The following RABGAP1L variants were observed in gnomAD, a reference collection of about 807,000 sequenced individuals.
The protein encoded by RABGAP1L is RAB GTPase activating protein 1 like.
RABGAP1L carries 63 observed loss-of-function variants against 137.7 expected under a neutral mutation model. That is an observed-to-expected ratio of 0.46 (90% CI 0.37 to 0.56). The LOEUF is 0.56. RABGAP1L is among the 20% of genes least tolerant of loss of function. The pLI is 0.00. For synonymous variants in RABGAP1L, 431 were observed against 433.7 expected (o/e 0.99, Z 0.08); for missense variants, 1,095 against 1,244.0 (o/e 0.88, Z 1.80).
intron 19 of RABGAP1L, among the ~76,000 whole-genome samples, chr1:174,874,771 C>T (rs373418501): frequency 2.0e-5 from 3 of 151,702 alleles, no homozygotes; most frequent in East Asian, 1.9e-4. Flanking sequence ...TTTCTGAGAC[C>T]GGAGAAAATG....
chr1:174,527,626 A>G (rs1047732637), intron 13 of RABGAP1L, among the ~76,000 whole-genome samples: 2 of 152,164 alleles, frequency 1.3e-5, no homozygotes, highest in South Asian at 2.1e-4. Context: ...TTGGATAACA[A>G]TCTCTGTAAA....
In RABGAP1L at chr1:174,219,263, T is replaced by G. The variant is rs1261223760; in HGVS notation, c.106T>G (p.Ser36Ala). ...GGTTCCTCAGTATGCAGATGATAAT[T>G]CTACAAAACATGAAGAAAAACCTCA... ...VLVPQYADDN[S>A]TKHEEKPQLK... is the part of the protein sequence containing the mutation. Residue 36 changes from serine to alanine, a missense_variant, in exon 2 of 26, where the codon TCT becomes GCT. Physicochemically the swap from Ser to Ala is moderately conservative, Grantham distance 99 (BLOSUM62 1). Transcript: ENST00000681986. The G allele has an allele frequency of 1.3e-6, 2 of 1,583,718 alleles. No individual in the cohort carries two copies. Among genetic ancestry groups the G allele is most frequent in the African/African-American group, 2.7e-5 (2 of 73,746 alleles).
intron 1 of RABGAP1L, among the ~76,000 whole-genome samples, chr1:174,216,512 C>T (rs953431088): frequency 1.3e-5 from 2 of 151,022 alleles, no homozygotes; most frequent in Non-Finnish European, 2.9e-5. Context: ...CAAGTAGTGC[C>T]ATTACCTTGT....
At chr1:174,584,738 A>G (rs1668989675) in intron 13 of RABGAP1L, among the ~76,000 whole-genome samples, 1 of 152,204 alleles carries the variant, frequency 6.6e-6, no homozygotes. Context: ...TGTGAGGCCA[A>G]TAAACTTAAC....
intron 19 of RABGAP1L, among the ~76,000 whole-genome samples, chr1:174,953,748 G>C (rs1207399482): frequency 2.6e-5 from 4 of 152,196 alleles, no homozygotes; most frequent in African/African-American, 9.7e-5. Context: ...GAAAGTATCA[G>C]CAGACACTGT....
chr1:174,300,847 C>CAG (rs1222580760), intron 10 of RABGAP1L, among the ~76,000 whole-genome samples: 3 of 152,148 alleles, frequency 2.0e-5, no homozygotes, highest in African/African-American at 7.2e-5. Flanking sequence ...GCCTGGGTGA[C>CAG]AGAGTGAGAC....
At chr1:174,668,470 T>C (rs536843572) in intron 14 of RABGAP1L, among the ~76,000 whole-genome samples, 6 of 152,212 alleles carry the variant, frequency 3.9e-5, no homozygotes, top group Admixed American at 6.5e-5. Context: ...TAGTATTCCA[T>C]TGTATATATA....
intron 13 of RABGAP1L, among the ~76,000 whole-genome samples, chr1:174,504,684 G>C (rs1170370535): frequency 2.6e-5 from 4 of 152,136 alleles, no homozygotes; most frequent in Non-Finnish European, 5.9e-5. Context: ...GCAGAATAAT[G>C]AAATTAGAGC....
intron 17 of RABGAP1L, among the ~76,000 whole-genome samples, chr1:174,717,569 A>G (rs1171409296): frequency 2.0e-5 from 3 of 152,242 alleles, no homozygotes; most frequent in African/African-American, 2.4e-5. Context: ...AACAGCTTAA[A>G]ATAAGTGACT....
At chr1:174,299,025 G>C (rs1318518934) in intron 10 of RABGAP1L, among the ~76,000 whole-genome samples, 1 of 152,234 alleles carries the variant, frequency 6.6e-6, no homozygotes, top group African/African-American at 2.4e-5. Flanking sequence ...TTTGAAACGT[G>C]ATTTCTCTCT....
At chr1:174,275,470 G>A (rs1571878334) in intron 8 of RABGAP1L, among the ~76,000 whole-genome samples, 1 of 152,010 alleles carries the variant, frequency 6.6e-6, no homozygotes, top group African/African-American at 2.4e-5. Context: ...CTATATTATT[G>A]TTTTAATAGA....
At chr1:174,643,937 G>C (rs1055166146) in intron 14 of RABGAP1L, among the ~76,000 whole-genome samples, 1 of 135,402 alleles carries the variant, frequency 7.4e-6, no homozygotes, top group African/African-American at 3.4e-5. Context: ...GTGTGTGTGT[G>C]TGTGTATGTA....
intron 21 of RABGAP1L, among the ~76,000 whole-genome samples, chr1:174,974,004 T>G (rs1387580645): frequency 8.3e-6 from 1 of 120,980 alleles, no homozygotes; most frequent in Non-Finnish European, 1.8e-5. Flanking sequence ...TTTTTTTTTT[T>G]TTGAGACGGA....
intron 12 of RABGAP1L, among the ~76,000 whole-genome samples, chr1:174,376,304 T>C (rs893972423): frequency 5.3e-5 from 8 of 152,106 alleles, no homozygotes; most frequent in African/African-American, 1.9e-4. Flanking sequence ...CTTTCCAGAA[T>C]ATATAAGTGA....
chr1:174,526,077 C>CT (rs1663847895), intron 13 of RABGAP1L, among the ~76,000 whole-genome samples: 2 of 152,030 alleles, frequency 1.3e-5, no homozygotes, highest in Non-Finnish European at 2.9e-5. Flanking sequence ...TGTATGTCTT[C>CT]TTTTGAGAAT....
chr1:174,789,325 T>C (rs1031570052), intron 18 of RABGAP1L, among the ~76,000 whole-genome samples: 4 of 152,136 alleles, frequency 2.6e-5, no homozygotes, highest in African/African-American at 7.2e-5. Flanking sequence ...TAGACCAATT[T>C]AGTTGGACCG....
At chr1:174,348,810 G>A (rs998761622) in intron 11 of RABGAP1L, among the ~76,000 whole-genome samples, 1 of 151,520 alleles carries the variant, frequency 6.6e-6, no homozygotes, top group Admixed American at 6.6e-5. Flanking sequence ...CAAGACAGAG[G>A]AATTTTTCTT....
intron 18 of RABGAP1L, among the ~76,000 whole-genome samples, chr1:174,788,977 G>C (rs1418175878): frequency 6.6e-6 from 1 of 152,144 alleles, no homozygotes; most frequent in Non-Finnish European, 1.5e-5. Flanking sequence ...GCCACCCAAA[G>C]TGCTGGGGGT....
At chr1:174,663,922 T>A (rs1342726686) in intron 14 of RABGAP1L, among the ~76,000 whole-genome samples, 1 of 152,162 alleles carries the variant, frequency 6.6e-6, no homozygotes, top group Non-Finnish European at 1.5e-5. Flanking sequence ...GTTCCCTAGG[T>A]GCAGTGCTGA....
Sources: gnomAD v4.1 joint callset for allele counts (sites outside exome capture counted in the v4.1 genomes callset) on GRCh38, gnomAD v4.1.1 for gene constraint, MANE v1.5 for transcripts, NCBI Gene and HGNC (gene_info 2026-07-23, HGNC 2026-07-21) for gene names.